The following GNAT2 variants were observed in gnomAD, a reference collection of about 807,000 sequenced individuals.
GNAT2 encodes the protein G protein subunit alpha transducin 2.
Under a neutral mutation model 40.9 loss-of-function variants are expected in GNAT2, and 32 were observed. The observed-to-expected ratio is 0.78, with a 90% CI of 0.59 to 1.05. The LOEUF is 1.05. Among genes scored for constraint, GNAT2 ranks in the 50% least tolerant of loss-of-function variants. The pLI is 0.00. For synonymous variants in GNAT2, 141 were observed against 157.2 expected (o/e 0.90, Z 0.77); for missense variants, 355 against 431.5 (o/e 0.82, Z 1.57).
rs1335593915 is a variant in GNAT2, at chr1:109,603,300, A to T, written c.*54T>A. 5.1e-6 allele frequency: 5 copies of T among 980,788 alleles called. No homozygotes were observed. The highest frequency in any genetic ancestry group is 8.2e-6 in the Non-Finnish European group (5 of 606,476). 60.8% of individuals were successfully genotyped at this position (980,788 alleles called of 1,614,324 possible). A position where few individuals can be genotyped will look rare whatever the true frequency, so the allele number is the denominator to read the frequency against. ...TATTGACTATAATTTTCTGTTTTTA[A>T]TTACCCAGATTCCAAGCCTGTTTAT... On this transcript the variant is annotated 3_prime_UTR_variant, in exon 9 of 9. Coordinates refer to ENST00000679935, the MANE Select transcript of GNAT2 (RefSeq NM_001377295.2).
In GNAT2 at chr1:109,604,060, G is replaced by T; in HGVS notation, c.765C>A (p.Asn255Lys). 1 of 1,610,822 alleles carries T rather than the reference G, an allele frequency of 6.2e-7. No individual in the cohort carries two copies. Among genetic ancestry groups the T allele is most frequent in the Non-Finnish European group, 8.5e-7 (1 of 1,177,008 alleles). Reference protein sequence around the residue: ...ESLHLFNSICNHKFFAATSIV... With the variant: ...ESLHLFNSICKHKFFAATSIV... The stretch of plus-strand genomic sequence containing the variant: ...TGGAAGTAGCCGCAAAGAATTTGTG[G>T]TTACATATGCTGTTGAACAGATGCA... Residue 255 changes from asparagine (N) to lysine (K), a missense_variant, in exon 8 of 9, where the codon AAC (asparagine) becomes AAA (lysine). Physicochemically the swap from Asn to Lys is moderately conservative, Grantham distance 94. Transcript: ENST00000679935.
intron 4 of GNAT2, chr1:109,609,256 A>G (rs770021636): frequency 8.7e-5 from 17 of 196,178 alleles, no homozygotes; most frequent in Non-Finnish European, 1.8e-4. Flanking sequence ...CATGGCCAGG[A>G]ACCCAAGGGT....
intron 1 of GNAT2, 126 bp from the exon 2 acceptor site, chr1:109,613,049 T>C (rs1649850891): frequency 4.3e-6 from 3 of 696,246 alleles, no homozygotes; most frequent in Admixed American, 1.9e-5. Flanking sequence ...TCTGCCTACA[T>C]TGACTGAGAC....
chr1:109,606,255 T>G, intron 6 of GNAT2, 53 bp downstream of exon 6: 1 of 1,601,964 alleles, frequency 6.2e-7, no homozygotes, highest in Non-Finnish European at 8.6e-7. Flanking sequence ...CCTGTGCCCC[T>G]TTTCAGGATT....
chr1:109,605,818 T>G, intron 7 of GNAT2, 152 bp downstream of exon 7: 1 of 729,044 alleles, frequency 1.4e-6, no homozygotes, highest in South Asian at 1.5e-5. Context: ...AGTTGTTTTT[T>G]AGAATTATTT....
Position 109,612,798 on chromosome 1 carries a change from C to T in GNAT2, c.73G>A (p.Glu25Lys). 6.2e-7 allele frequency: 1 copy of T among 1,613,252 alleles called. No individual in the cohort carries two copies. Among genetic ancestry groups the T allele is most frequent in the Non-Finnish European group, 8.5e-7 (1 of 1,179,192 alleles). The change falls in exon 2 of 9, where the codon GAG (glutamate) becomes AAG (lysine). Residue 25 changes from glutamate (E) to lysine (K), a missense_variant. Glu to Lys is a moderately conservative substitution (Grantham distance 56). Transcript: ENST00000679935. ...RSKELEKKLQ[E>K]DADKEAKTVK... ...GTCTTGGCTTCCTTATCAGCATCCT[C>T]CTGCAGCTTCTTTTCTAGCTCCTTG...
In GNAT2 at chr1:109,604,045, C is replaced by T. The variant is rs776207301; in HGVS notation, c.780G>A (p.Ala260=). 7.5e-6 allele frequency: 12 copies of T among 1,610,296 alleles called. No homozygotes were observed. The East Asian group carries it at 8.9e-5, about 12-fold the overall frequency. ...TGAGAAAGAGGACAATGGAAGTAGC[C>T]GCAAAGAATTTGTGGTTACATATGC... ...FNSICNHKFF[A]ATSIVLFLNK... The change falls in exon 8 of 9, where the codon GCG becomes GCA. Residue 260 remains alanine, a synonymous_variant. Transcript: ENST00000679935.
chr1:109,605,367 T>TA (rs1649560375), intron 7 of GNAT2: 1 of 157,358 alleles, frequency 6.4e-6, no homozygotes, highest in Admixed American at 6.0e-5. Flanking sequence ...GGCTGGGCTC[T>TA]AACACTTGTC....
At chr1:109,610,429 C>A (rs757745881) in intron 3 of GNAT2, 36 bp downstream of exon 3, 2 of 1,600,114 alleles carry the variant, frequency 1.2e-6, no homozygotes, top group South Asian at 1.1e-5. Flanking sequence ...GACTTCTTCA[C>A]CCTATCTTGT....
At chr1:109,608,083 A>C in intron 5 of GNAT2, 2 of 182,998 alleles carry the variant, frequency 1.1e-5, no homozygotes, top group Non-Finnish European at 2.3e-5. Flanking sequence ...CTAATTCCTG[A>C]CCACCTTCCC....
intron 1 of GNAT2, chr1:109,613,166 G>A: frequency 5.0e-6 from 2 of 397,392 alleles, no homozygotes; most frequent in South Asian, 2.1e-5. Context: ...ATGGCAAGGG[G>A]TAAAGACTCA....
At position 109,608,636 on chromosome 1, in the gene GNAT2, T is replaced by C. The variant is rs1029294333; in HGVS notation, c.456A>G (p.Ala152=). The change falls in exon 5 of 9, where the codon GCA becomes GCG. Residue 152 remains alanine (A), a synonymous_variant. Transcript: ENST00000679935. The part of the protein sequence containing the change: ...RAAEYQLNDS[A]SYYLNQLERI... ...CTCTCACCAGTCAGTCTTACTAAGA[T>C]GCGGAGTCATTAAGCTGGTATTCTG... is the stretch of plus-strand genomic sequence containing the variant. 4 of 1,613,748 alleles carry C rather than the reference T, an allele frequency of 2.5e-6. No individual in the cohort carries two copies. The highest frequency in any genetic ancestry group is 2.5e-6 in the Non-Finnish European group (3 of 1,179,658).
In GNAT2 at chr1:109,610,107, T is replaced by TG; in HGVS notation, c.235dup (p.Gln79ProfsTer19). The TG allele has an allele frequency of 6.2e-7, 1 of 1,613,624 alleles. No homozygotes were observed. The highest frequency in any genetic ancestry group is 8.5e-7 in the Non-Finnish European group (1 of 1,179,496). On this transcript the variant is annotated frameshift_variant, in exon 4 of 9. Coordinates refer to ENST00000679935, the MANE Select transcript of GNAT2 (RefSeq NM_001377295.2). LOFTEE classifies it high-confidence loss of function. ...GGCCCGGATGATAGCCAGGATGGAC[T>TG]GCAGCACATTTCCATAGATGATAGC...
chr1:109,612,951 A>G, intron 1 of GNAT2, 28 bp from the exon 2 acceptor site: 1 of 1,000,920 alleles, frequency 1.0e-6, no homozygotes, highest in Non-Finnish European at 1.6e-6. Context: ...GAGAAGGAAA[A>G]AAGTTGGGAT....
In GNAT2 at chr1:109,606,384, G is replaced by A. The variant is rs1649596423; in HGVS notation, c.514C>T (p.Gln172Ter). 2 of 1,610,346 alleles carry A rather than the reference G, an allele frequency of 1.2e-6. No homozygotes were observed. Among genetic ancestry groups the A allele is most frequent in the African/African-American group, 1.3e-5 (1 of 74,830 alleles). Residue 172 changes from glutamine (Q) to a stop codon, truncating the protein, a stop_gained, in exon 6 of 9, where the codon CAA (glutamine) becomes TAA (stop). Transcript: ENST00000679935. LOFTEE classifies it high-confidence loss of function. ...ITDPEYLPSE[Q>*]DVLRSRVKTT... ...TTGACTCTGGATCGGAGCACATCTT[G>A]CTCACTAGGGAGGTACTCAGGGTCT...
At chr1:109,614,911 A>C (rs377184178) in intron 1 of GNAT2, 34 of 152,266 alleles carry the variant, frequency 2.2e-4, no homozygotes, top group African/African-American at 7.9e-4. Context: ...AAAACAGGAG[A>C]GTCTCTTTGA....
At chr1:109,606,895 T>C (rs765375551) in intron 5 of GNAT2, 4 of 201,664 alleles carry the variant, frequency 2.0e-5, no homozygotes, top group Admixed American at 1.6e-4. Context: ...TTGGTGATAT[T>C]TGATGCTATT....
At position 109,608,794 on chromosome 1, in the gene GNAT2, A is replaced by G. The variant is rs1401749107; in HGVS notation, c.304-6T>C. The stretch of plus-strand genomic sequence containing the variant: ...TTGAGCTGTCGCCCGTCATCCTGTA[A>G]TGCAGAAACCTGGTTAAGAACTTCA... On this transcript the variant is annotated splice_polypyrimidine_tract_variant and splice_region_variant and intron_variant, in intron 4 of 8. Transcript: ENST00000679935. 1.1e-5 allele frequency: 17 copies of G among 1,613,200 alleles called. No individual in the cohort carries two copies. The East Asian group carries it at 3.6e-4, about 34-fold the overall frequency.
At chr1:109,604,938 A>T (rs966706833) in intron 7 of GNAT2, 1 of 152,230 alleles carries the variant, frequency 6.6e-6, no homozygotes, top group African/African-American at 2.4e-5. Context: ...AGACTCATAG[A>T]CTTTAGGGTT....
Sources: allele counts gnomAD v4.1 joint callset, GRCh38; gene constraint gnomAD v4.1.1; transcripts MANE v1.5; gene names NCBI Gene and HGNC (gene_info 2026-07-23, HGNC 2026-07-21).